Variants in ERBB4 observed in about 807,000 individuals in gnomAD.
The protein encoded by ERBB4 is erb-b2 receptor tyrosine kinase 4.
Under a neutral mutation model 158.0 loss-of-function variants are expected in ERBB4, and 42 were observed. The observed-to-expected ratio is 0.27, with a 90% CI of 0.21 to 0.34. ERBB4 has a LOEUF of 0.34. Among genes scored for constraint, ERBB4 ranks in the 10% least tolerant of loss-of-function variants. The pLI is 1.00. For missense variants in ERBB4, 1,333 were observed against 1,624.1 expected, an observed-to-expected ratio of 0.82 and a Z score of 3.08; for synonymous variants, 583 against 558.7, an observed-to-expected ratio of 1.04 and a Z score of -0.61.
chr2:212,368,287 G>A (rs2089962697), intron 1 of ERBB4, among the ~76,000 whole-genome samples: 1 of 152,150 alleles, frequency 6.6e-6, no homozygotes, highest in Non-Finnish European at 1.5e-5. Flanking sequence ...TGACCTGGAT[G>A]AGATTGGAGA....
chr2:212,304,703 AC>A (rs1409519352), intron 1 of ERBB4, among the ~76,000 whole-genome samples: 2 of 151,492 alleles, frequency 1.3e-5, no homozygotes, highest in Non-Finnish European at 3.0e-5. Flanking sequence ...GCCATTTTCC[AC>A]CCTGTAAGGT....
chr2:212,191,870 T>C (rs2082248879), intron 1 of ERBB4, among the ~76,000 whole-genome samples: 1 of 16,506 alleles, frequency 6.1e-5, no homozygotes, highest in Admixed American at 1.3e-3. Context: ...ATATATTATA[T>C]ATAATACATA....
intron 1 of ERBB4, among the ~76,000 whole-genome samples, chr2:212,168,123 A>C (rs575442888): frequency 6.6e-6 from 1 of 152,146 alleles, no homozygotes; most frequent in South Asian, 2.1e-4. Context: ...TGTTGGAAAA[A>C]CTGGTGAAAA....
intron 2 of ERBB4, among the ~76,000 whole-genome samples, chr2:211,987,060 C>T (rs1211587939): frequency 2.0e-5 from 3 of 152,144 alleles, no homozygotes; most frequent in African/African-American, 7.2e-5. Context: ...GTGGCTCACA[C>T]GTGTAATCCC....
intron 3 of ERBB4, among the ~76,000 whole-genome samples, chr2:211,791,468 T>C (rs1220389017): frequency 1.3e-5 from 2 of 151,982 alleles, no homozygotes; most frequent in African/African-American, 4.8e-5. Context: ...ACACATTTAA[T>C]TGATACTCAA....
chr2:211,871,593 G>C (rs990071286), intron 3 of ERBB4, among the ~76,000 whole-genome samples: 1 of 151,320 alleles, frequency 6.6e-6, no homozygotes, highest in Non-Finnish European at 1.5e-5. Flanking sequence ...CTATGTTCAC[G>C]TACTACATCT....
intron 2 of ERBB4, among the ~76,000 whole-genome samples, chr2:212,023,692 T>C (rs1559338440): frequency 1.3e-5 from 2 of 151,872 alleles, no homozygotes; most frequent in Non-Finnish European, 2.9e-5. Context: ...TCAATGTAAA[T>C]TTCTGCTAAT....
intron 1 of ERBB4, among the ~76,000 whole-genome samples, chr2:212,487,534 C>T (rs1374417494): frequency 6.6e-6 from 1 of 151,050 alleles, no homozygotes; most frequent in Non-Finnish European, 1.5e-5. Flanking sequence ...ACATTTACTA[C>T]ACTCCCACCA....
At chr2:211,711,265 G>C (rs927582050) in intron 9 of ERBB4, among the ~76,000 whole-genome samples, 7 of 152,034 alleles carry the variant, frequency 4.6e-5, no homozygotes, top group Non-Finnish European at 7.4e-5. Context: ...TTTGCTTTTA[G>C]AAATGATCTG....
intron 19 of ERBB4, among the ~76,000 whole-genome samples, chr2:211,576,730 A>G (rs957201136): frequency 1.7e-4 from 26 of 152,238 alleles, no homozygotes; most frequent in African/African-American, 6.0e-4. Flanking sequence ...AATTATAAAC[A>G]TTAGTAATTA....
intron 1 of ERBB4, among the ~76,000 whole-genome samples, chr2:212,449,210 T>A (rs2092409575): frequency 6.6e-6 from 1 of 152,190 alleles, no homozygotes; most frequent in Non-Finnish European, 1.5e-5. Flanking sequence ...GATTTAGCCA[T>A]CAGTTTACTG....
At chr2:211,572,803 T>C (rs918858321) in intron 19 of ERBB4, among the ~76,000 whole-genome samples, 5 of 152,228 alleles carry the variant, frequency 3.3e-5, no homozygotes, top group African/African-American at 9.6e-5. Flanking sequence ...ATCCTTCTAA[T>C]GTAGTCATCT....
chr2:212,202,855 T>C (rs2082626735), intron 1 of ERBB4, among the ~76,000 whole-genome samples: 2 of 152,080 alleles, frequency 1.3e-5, no homozygotes, highest in South Asian at 2.1e-4. Context: ...AGAAAATCAA[T>C]AAAAACTATT....
intron 3 of ERBB4, among the ~76,000 whole-genome samples, chr2:211,924,346 A>T (rs1304920586): frequency 6.6e-6 from 1 of 152,196 alleles, no homozygotes; most frequent in Non-Finnish European, 1.5e-5. Flanking sequence ...AAATTTAGAT[A>T]TTAATACTAC....
intron 21 of ERBB4, among the ~76,000 whole-genome samples, chr2:211,429,754 C>A (rs1260979418): frequency 6.6e-6 from 1 of 152,166 alleles, no homozygotes; most frequent in East Asian, 1.9e-4. Flanking sequence ...AGTAATTTCC[C>A]TACGGGCAAG....
intron 3 of ERBB4, among the ~76,000 whole-genome samples, chr2:211,810,848 G>T (rs1167287860): frequency 1.1e-4 from 17 of 150,972 alleles, no homozygotes; most frequent in African/African-American, 3.7e-4. Flanking sequence ...AATTTTTTTT[G>T]TATTTTTAGT....
intron 25 of ERBB4, among the ~76,000 whole-genome samples, chr2:211,399,305 G>C (rs1200659003): frequency 1.3e-5 from 2 of 152,158 alleles, no homozygotes; most frequent in African/African-American, 2.4e-5. Context: ...ATCTAGCACA[G>C]TGCCAGGGGC....
intron 3 of ERBB4, among the ~76,000 whole-genome samples, chr2:211,790,376 C>G (rs1250859594): frequency 6.6e-6 from 1 of 151,756 alleles, no homozygotes; most frequent in Non-Finnish European, 1.5e-5. Context: ...GTATATTTTT[C>G]AGGAGTCACA....
intron 5 of ERBB4, among the ~76,000 whole-genome samples, chr2:211,732,487 C>T (rs1390098287): frequency 6.6e-6 from 1 of 152,070 alleles, no homozygotes; most frequent in Non-Finnish European, 1.5e-5. Flanking sequence ...TTCCTAATTC[C>T]TAATTGGTTT....
Sources: gnomAD v4.1 joint callset for allele counts (sites outside exome capture counted in the v4.1 genomes callset) on GRCh38, gnomAD v4.1.1 for gene constraint, MANE v1.5 for transcripts, NCBI Gene and HGNC (gene_info 2026-07-23, HGNC 2026-07-21) for gene names.